Variants in FXYD5 observed in about 807,000 individuals in gnomAD.
The protein encoded by FXYD5 is FXYD domain containing ion transport regulator 5.
A neutral mutation model predicts 25.7 loss-of-function variants in FXYD5; 21 were observed. That is an observed-to-expected ratio of 0.82 (90% CI 0.58 to 1.18). FXYD5 has a LOEUF of 1.18. Ranked by LOEUF, FXYD5 falls within the 50% of genes most tolerant of loss-of-function variation. The pLI, the probability that FXYD5 is intolerant of heterozygous loss-of-function variation, is 0.00. For missense variants in FXYD5, 229 were observed against 227.7 expected (o/e 1.01, Z -0.04); for synonymous variants, 101 against 90.7 (o/e 1.11, Z -0.64).
rs1454219832 is a variant in FXYD5, at chr19:35,167,753, T to C, written c.487+1428T>C. On this transcript the variant is annotated intron_variant, in intron 8 of 8. Coordinates refer to ENST00000392219, the MANE Select transcript of FXYD5 (RefSeq NM_014164.6). The stretch of plus-strand genomic sequence containing the variant: ...AACAATCATAAGACATGATTCCTGA[T>C]GTGTGCGTGATCCCCACTGAATCTG... 2.6e-5 allele frequency among the ~76,000 whole-genome samples: 4 copies of C among 152,128 alleles called. No homozygotes were observed. The East Asian group carries it at 7.7e-4, about 29-fold the overall frequency.
chr19:35,159,634 A>G (rs1230383788), intron 4 of FXYD5: 1 of 1,549,844 alleles, frequency 6.5e-7, no homozygotes, highest in East Asian at 2.4e-5. Flanking sequence ...CTCCTTGAGC[A>G]AACGCACTTG....
intron 8 of FXYD5, among the ~76,000 whole-genome samples, chr19:35,168,050 C>T (rs559750420): frequency 2.3e-4 from 35 of 150,350 alleles, no homozygotes; most frequent in Non-Finnish European, 4.3e-4. Context: ...AAGACCCTAT[C>T]TCTACACAAA....
chr19:35,167,494 AG>A, intron 8 of FXYD5, among the ~76,000 whole-genome samples: 1 of 152,320 alleles, frequency 6.6e-6, no homozygotes, highest in Non-Finnish European at 1.5e-5. Flanking sequence ...CCAGAGGGCA[AG>A]GGGCCCAGGG....
At chr19:35,161,565 C>T (rs904652649) in intron 5 of FXYD5, among the ~76,000 whole-genome samples, 4 of 152,228 alleles carry the variant, frequency 2.6e-5, no homozygotes, top group Admixed American at 2.6e-4. Flanking sequence ...ATGAGCTGCT[C>T]TCATTGGTCA....
chr19:35,163,927 T>C (rs2065427808), intron 5 of FXYD5: 2 of 1,362,736 alleles, frequency 1.5e-6, no homozygotes, highest in Admixed American at 2.8e-5. Flanking sequence ...CCCTCGGGGA[T>C]TGAGGCAGAT....
chr19:35,156,535 C>T (rs1350354839), intron 2 of FXYD5, among the ~76,000 whole-genome samples: 2 of 152,076 alleles, frequency 1.3e-5, no homozygotes, highest in Non-Finnish European at 2.9e-5. Context: ...GAGGGCCTCA[C>T]TGAGGAGGTG....
At chr19:35,159,489 T>C in intron 4 of FXYD5, 1 of 1,548,148 alleles carries the variant, frequency 6.5e-7, no homozygotes. Context: ...CTTGTTTTGT[T>C]TTCTCTCCTG....
chr19:35,155,374 T>C, intron 1 of FXYD5, 177 bp from the exon 2 acceptor site: 1 of 603,648 alleles, frequency 1.7e-6, no homozygotes, highest in Non-Finnish European at 3.0e-6. Flanking sequence ...GACGGTTTGG[T>C]ATCCCCACCT....
intron 4 of FXYD5, chr19:35,159,640 A>C: frequency 6.5e-7 from 1 of 1,549,674 alleles, no homozygotes; most frequent in Non-Finnish European, 8.7e-7. Flanking sequence ...GAGCAAACGC[A>C]CTTGGAATAT....
At chr19:35,168,532 G>A (rs569531957) in intron 8 of FXYD5, among the ~76,000 whole-genome samples, 2 of 152,294 alleles carry the variant, frequency 1.3e-5, no homozygotes, top group East Asian at 3.9e-4. Context: ...GGTAGGTTGG[G>A]GGAGAGGAGA....
chr19:35,155,421 C>T (rs905772116), intron 1 of FXYD5, 130 bp from the exon 2 acceptor site: 1 of 752,488 alleles, frequency 1.3e-6, no homozygotes, highest in Non-Finnish European at 2.3e-6. Flanking sequence ...AGCCGTCAGC[C>T]CCTGGCAGGG....
At chr19:35,163,049 AGAG>A (rs2065419297) in intron 5 of FXYD5, among the ~76,000 whole-genome samples, 2 of 152,224 alleles carry the variant, frequency 1.3e-5, no homozygotes, top group African/African-American at 4.8e-5. Context: ...TGAGGCCCAG[AGAG>A]GTTACTCAGC....
At chr19:35,162,799 C>T (rs1029111486) in intron 5 of FXYD5, among the ~76,000 whole-genome samples, 2 of 152,168 alleles carry the variant, frequency 1.3e-5, no homozygotes, top group African/African-American at 4.8e-5. Flanking sequence ...TCACAAGCTT[C>T]CTTTTGTAGC....
intron 2 of FXYD5, among the ~76,000 whole-genome samples, chr19:35,156,691 G>A (rs1445548257): frequency 2.0e-5 from 3 of 152,174 alleles, no homozygotes; most frequent in Admixed American, 6.5e-5. Context: ...GGGATGACGA[G>A]AGGACAGAGA....
chr19:35,158,414 G>T lies in FXYD5; in HGVS notation c.199+14G>T. The stretch of plus-strand genomic sequence containing the variant: ...GGCCTGCTGATGGTGAGTAGTGCAG[G>T]GGCAGGCGGCGGGGACAGGACCAAG... On this transcript the variant is annotated intron_variant, in intron 4 of 8. Coordinates refer to ENST00000392219, the MANE Select transcript of FXYD5 (RefSeq NM_014164.6). The T allele has an allele frequency of 6.6e-7, 1 of 1,516,446 alleles. No homozygotes were observed. Among genetic ancestry groups the T allele is most frequent in the Non-Finnish European group, 9.2e-7 (1 of 1,091,642 alleles). 93.9% of individuals were successfully genotyped at this position (1,516,446 alleles called of 1,614,324 possible).
rs1448237199 is a variant in FXYD5, at chr19:35,164,235, C to G, written c.372C>G (p.Leu124=). ...STDVQTDPQT[L]KPSGFHEDDP... ...ACGTCCAGACAGACCCCCAGACCCT[C>G]AAGCCATCTGGTTAGTAACTGCCTC... The change falls in exon 6 of 9, where the codon CTC becomes CTG. Residue 124 remains leucine, a synonymous_variant. Transcript: ENST00000392219. 6.2e-7 allele frequency: 1 copy of G among 1,611,598 alleles called. No homozygotes were observed. Among genetic ancestry groups the G allele is most frequent in the African/African-American group, 1.3e-5 (1 of 74,816 alleles).
chr19:35,167,800 G>T (rs150516520), intron 8 of FXYD5, among the ~76,000 whole-genome samples: 2 of 152,046 alleles, frequency 1.3e-5, no homozygotes, highest in African/African-American at 4.8e-5. Context: ...CTGTTGCCTC[G>T]GTCATACAAC....
intron 4 of FXYD5, chr19:35,159,744 G>T: frequency 1.5e-6 from 2 of 1,350,992 alleles, no homozygotes; most frequent in Non-Finnish European, 2.0e-6. Context: ...AATTACCATT[G>T]TCCCCATTTT....
At chr19:35,158,596 G>T (rs987139432) in intron 4 of FXYD5, among the ~76,000 whole-genome samples, 196 bp downstream of exon 4, 4 of 152,108 alleles carry the variant, frequency 2.6e-5, no homozygotes, top group Non-Finnish European at 5.9e-5. Context: ...TTTTGAAATT[G>T]TGAAATTAAC....
Sources: allele counts gnomAD v4.1 joint callset (sites outside exome capture counted in the v4.1 genomes callset), GRCh38; gene constraint gnomAD v4.1.1; transcripts MANE v1.5; gene names NCBI Gene and HGNC (gene_info 2026-07-23, HGNC 2026-07-21).